FAXDC2: variants seen among roughly 807,000 people sequenced by gnomAD.
The protein encoded by FAXDC2 is fatty acid hydroxylase domain containing 2.
A neutral mutation model predicts 40.9 loss-of-function variants in FAXDC2; 41 were observed. The ratio of observed to expected loss-of-function variants is 1.00; its 90% CI spans 0.78 to 1.30. FAXDC2 has a LOEUF of 1.30. FAXDC2 is among the 50% of genes most tolerant of loss of function. FAXDC2 has a pLI of 0.00. For synonymous variants in FAXDC2, 157 were observed against 149.3 expected, an observed-to-expected ratio of 1.05 and a Z score of -0.38; for missense variants, 390 against 408.8, an observed-to-expected ratio of 0.95 and a Z score of 0.40.
intron 5 of FAXDC2, 97 bp from the exon 6 acceptor site, chr5:154,823,689 G>T: frequency 4.0e-6 from 4 of 1,002,598 alleles, no homozygotes; most frequent in Non-Finnish European, 4.5e-6. Flanking sequence ...GTTGGATTCT[G>T]GGAGAGATGT....
rs1162542409 is a variant in FAXDC2 at position 154,820,323 on chromosome 5, A to G, written c.995T>C (p.Met332Thr). The change falls in exon 9 of 9, where the codon ATG becomes ACG. Residue 332 changes from methionine to threonine, a missense_variant. Physicochemically the swap from Met to Thr is moderately conservative, Grantham distance 81 (BLOSUM62 -1). Transcript: ENST00000326080. The part of the protein sequence containing the change: ...SESIPDSPKR[M>T]E ...TGACACTTAGGCTGTCTCTCACTCC[A>G]TCCTCTTTGGGGAGTCTGGGATGCT... is the stretch of plus-strand genomic sequence containing the variant. 1 of 1,608,306 alleles carries G rather than the reference A, an allele frequency of 6.2e-7. No individual in the cohort carries two copies. The highest frequency in any genetic ancestry group is 8.5e-7 in the Non-Finnish European group (1 of 1,177,160).
chr5:154,831,477 C>T (rs1264583277), intron 4 of FAXDC2, among the ~76,000 whole-genome samples: 1 of 151,932 alleles, frequency 6.6e-6, no homozygotes, highest in African/African-American at 2.4e-5. Flanking sequence ...GAGACAAAGC[C>T]TCTCTCTGTC....
In FAXDC2 at chr5:154,822,529, A is replaced by C; in HGVS notation, c.621T>G (p.His207Gln). ...TCACGCCAATGGGAGCTGTCCACTCATGGTGTTTCTTGTGGATTTTCTTGT... is the reference window on the plus strand; with the variant it reads ...TCACGCCAATGGGAGCTGTCCACTCCTGGTGTTTCTTGTGGATTTTCTTGT... ...TFYKKIHKKHHEWTAPIGVIS... is the reference protein window; with the variant it reads ...TFYKKIHKKHQEWTAPIGVIS... The change falls in exon 7 of 9, where the codon CAT becomes CAG. Residue 207 changes from histidine (H) to glutamine (Q), a missense_variant. Coordinates refer to ENST00000326080, the MANE Select transcript of FAXDC2 (RefSeq NM_032385.5). 3.1e-6 allele frequency: 5 copies of C among 1,614,180 alleles called. No individual in the cohort carries two copies. Among genetic ancestry groups the C allele is most frequent in the Non-Finnish European group, 3.4e-6 (4 of 1,180,014 alleles).
Position 154,820,132 on chromosome 5 carries a change from G to A in FAXDC2, c.*184C>T. The A allele has an allele frequency of 1.7e-6, 1 of 590,372 alleles. No individual in the cohort carries two copies. Among genetic ancestry groups the A allele is most frequent in the Non-Finnish European group, 3.1e-6 (1 of 320,920 alleles). The allele number at this position is 590,372 out of a possible 1,614,324, so 36.6% of individuals were successfully genotyped here. ...TCCTGATCCCATTGAGGGACATCAA[G>A]GGCAGTAGTTTGAAGAAAGCCTCAT... is the stretch of plus-strand genomic sequence containing the variant. On this transcript the variant is annotated 3_prime_UTR_variant, in exon 9 of 9. Transcript: ENST00000326080.
chr5:154,827,946 C>CT (rs1414152060), intron 5 of FAXDC2, among the ~76,000 whole-genome samples: 9 of 151,960 alleles, frequency 5.9e-5, no homozygotes, highest in Non-Finnish European at 1.3e-4. Flanking sequence ...ACCTCCTGGG[C>CT]TCAAGCAATC....
rs756797583 is a variant in FAXDC2, at chr5:154,820,307, G to A, written c.*9C>T. 1.5e-5 allele frequency: 24 copies of A among 1,596,552 alleles called. No individual in the cohort carries two copies. Among genetic ancestry groups the A allele is most frequent in the South Asian group, 5.7e-5 (5 of 87,710 alleles). On this transcript the variant is annotated 3_prime_UTR_variant, in exon 9 of 9. Coordinates refer to ENST00000326080, the MANE Select transcript of FAXDC2 (RefSeq NM_032385.5). ...TGAGGGACAGCCAGGATGACACTTA[G>A]GCTGTCTCTCACTCCATCCTCTTTG...
chr5:154,822,694 C>T, intron 6 of FAXDC2, 117 bp from the exon 7 acceptor site: 1 of 732,262 alleles, frequency 1.4e-6, no homozygotes, highest in Non-Finnish European at 2.4e-6. Flanking sequence ...AAGTTAACAA[C>T]ACCAAGACCT....
At chr5:154,843,572 G>A (rs947045754) in intron 1 of FAXDC2, among the ~76,000 whole-genome samples, 1 of 152,182 alleles carries the variant, frequency 6.6e-6, no homozygotes, top group Non-Finnish European at 1.5e-5. Flanking sequence ...GGAAGACAAT[G>A]TCCAGGCTTT....
chr5:154,840,034 G>A (rs926809912), intron 1 of FAXDC2, among the ~76,000 whole-genome samples: 4 of 152,132 alleles, frequency 2.6e-5, no homozygotes, highest in African/African-American at 7.2e-5. Context: ...AAAGAACCTA[G>A]ACAAGAAGAG....
chr5:154,829,289 A>G (rs1431332950), intron 5 of FAXDC2, among the ~76,000 whole-genome samples: 3 of 152,212 alleles, frequency 2.0e-5, no homozygotes, highest in Non-Finnish European at 2.9e-5. Context: ...GGGAGAGTAA[A>G]CAGAGCAGGA....
chr5:154,830,816 G>C lies in FAXDC2; in HGVS notation c.351C>G (p.Val117=), dbSNP rs755183405. The C allele has an allele frequency of 6.2e-7, 1 of 1,613,908 alleles. No individual in the cohort carries two copies. The highest frequency in any genetic ancestry group is 8.5e-7 in the Non-Finnish European group (1 of 1,179,970). ...CAACACTTACAGGTTCATTCTTGCC[G>C]ACCTGAATTCGGTAGCGAGAGATGA... is the stretch of plus-strand genomic sequence containing the variant. ...PNFISRYRIQ[V]GKNEPVDPVK... Residue 117 remains valine (V), a synonymous_variant, in exon 5 of 9, where the codon GTC becomes GTG. Transcript: ENST00000326080.
intron 5 of FAXDC2, among the ~76,000 whole-genome samples, chr5:154,825,058 T>TAA (rs70981952): frequency 0.096 from 8,625 of 89,872 alleles, 433 homozygotes; most frequent in Admixed American, 0.15. Context: ...CCAATCTTGT[T>TAA]AAAAAAAAAA....
intron 2 of FAXDC2, 142 bp from the exon 3 acceptor site, chr5:154,835,076 TTC>T: frequency 1.6e-6 from 1 of 622,946 alleles, no homozygotes; most frequent in African/African-American, 1.8e-5. Context: ...AGCTGGCCTT[TTC>T]CAGCTTCTGT....
intron 2 of FAXDC2, among the ~76,000 whole-genome samples, chr5:154,836,664 TTTAA>T (rs1480207105): frequency 3.9e-5 from 6 of 152,066 alleles, no homozygotes; most frequent in Admixed American, 2.0e-4. Flanking sequence ...TACTTTTTTT[TTTAA>T]TTGAGACAGT....
intron 5 of FAXDC2, among the ~76,000 whole-genome samples, chr5:154,825,225 G>A (rs1196283025): frequency 1.3e-5 from 2 of 151,508 alleles, no homozygotes; most frequent in Non-Finnish European, 2.9e-5. Flanking sequence ...TTAGCTAGGC[G>A]TGGTGGCATG....
At chr5:154,825,155 G>A (rs1213450602) in intron 5 of FAXDC2, among the ~76,000 whole-genome samples, 1 of 151,668 alleles carries the variant, frequency 6.6e-6, no homozygotes, top group Non-Finnish European at 1.5e-5. Flanking sequence ...ATGAGGTCAG[G>A]AGATTGAGAC....
intron 2 of FAXDC2, 110 bp downstream of exon 2, chr5:154,838,021 C>T (rs1201529832): frequency 1.4e-6 from 1 of 733,320 alleles, no homozygotes; most frequent in East Asian, 2.5e-5. Context: ...TACCATGTGT[C>T]AGCCACCCCT....
intron 1 of FAXDC2, among the ~76,000 whole-genome samples, chr5:154,840,400 T>A (rs990159381): frequency 2.0e-5 from 3 of 152,108 alleles, no homozygotes; most frequent in Admixed American, 1.3e-4. Context: ...TAAATTGATT[T>A]TTTTTAGGAG....
chr5:154,848,199 T>G (rs1760649505), intron 1 of FAXDC2, among the ~76,000 whole-genome samples: 1 of 152,222 alleles, frequency 6.6e-6, no homozygotes, highest in African/African-American at 2.4e-5. Flanking sequence ...GTGTATTGTT[T>G]TGTAAACAAC....
Sources: allele counts gnomAD v4.1 joint callset (sites outside exome capture counted in the v4.1 genomes callset), GRCh38; gene constraint gnomAD v4.1.1; transcripts MANE v1.5; gene names NCBI Gene and HGNC (gene_info 2026-07-23, HGNC 2026-07-21).